The following FARS2 variants were observed in gnomAD, a reference collection of about 807,000 sequenced individuals.
FARS2 encodes the protein phenylalanyl-tRNA synthetase 2, mitochondrial.
In FARS2, 40 loss-of-function variants were observed where a neutral mutation model predicts 46.4. The ratio of observed to expected loss-of-function variants is 0.86; its 90% confidence interval spans 0.67 to 1.12. FARS2 has a LOEUF of 1.12. Among genes scored for constraint, FARS2 ranks in the 50% most tolerant of loss-of-function variants. The pLI, the probability that FARS2 is intolerant of heterozygous loss-of-function variation, is 0.00. For missense variants in FARS2, 513 were observed against 567.9 expected, an observed-to-expected ratio of 0.90 and a Z score of 0.98; for synonymous variants, 234 against 214.9, an observed-to-expected ratio of 1.09 and a Z score of -0.78.
At position 5,474,661 on chromosome 6, in the gene FARS2, C is replaced by CTAT. The variant is rs34998565; in HGVS notation, c.904+43490_904+43491insATT. On this transcript the variant is annotated intron_variant, in intron 4 of 6. Transcript: ENST00000274680. Reference sequence around the variant, plus strand: ...GAAAAGGTACAATAAAAATACAGTACTGTTTTTTTTTTTTTTTTTGAGACA... The same window carrying CTAT: ...GAAAAGGTACAATAAAAATACAGTACTATTGTTTTTTTTTTTTTTTTTGAGACA... Among the ~76,000 whole-genome samples the CTAT allele has an allele frequency of 4.1e-4, 29 of 71,370 alleles. 1 individual carries two copies. Among genetic ancestry groups the CTAT allele is most frequent in the Non-Finnish European group, 7.7e-4 (25 of 32,306 alleles). The allele number at this position is 71,370 out of a possible 152,430, so 46.8% of individuals were successfully genotyped here. A position where few individuals can be genotyped will look rare whatever the true frequency, so the allele number is the denominator to read the frequency against.
At chr6:5,477,884 G>A (rs1435477088) in intron 4 of FARS2, among the ~76,000 whole-genome samples, 1 of 152,102 alleles carries the variant, frequency 6.6e-6, no homozygotes, top group African/African-American at 2.4e-5. Flanking sequence ...GCTGGGCGTG[G>A]TGGTGTGTAC....
intron 6 of FARS2, among the ~76,000 whole-genome samples, chr6:5,724,367 C>G (rs1196708140): frequency 1.3e-5 from 2 of 152,178 alleles, no homozygotes; most frequent in Non-Finnish European, 2.9e-5. Flanking sequence ...GTTGCTGGAG[C>G]CATCCCTTCC....
At chr6:5,527,438 T>C (rs535218206) in intron 4 of FARS2, among the ~76,000 whole-genome samples, 2 of 152,382 alleles carry the variant, frequency 1.3e-5, no homozygotes, top group South Asian at 4.1e-4. Context: ...ACTTGTGGCC[T>C]AGTTTTGATA....
At chr6:5,514,337 C>T (rs543414553) in intron 4 of FARS2, among the ~76,000 whole-genome samples, 3 of 152,228 alleles carry the variant, frequency 2.0e-5, no homozygotes, top group Admixed American at 6.5e-5. Context: ...AATTCTTGAT[C>T]GTCTCAGAAA....
chr6:5,322,380 AGTT>A (rs1386611698), intron 1 of FARS2, among the ~76,000 whole-genome samples: 6 of 152,212 alleles, frequency 3.9e-5, no homozygotes, highest in Non-Finnish European at 8.8e-5. Context: ...CGTATAGAAA[AGTT>A]GGTTATGAAC....
At chr6:5,258,647 T>A (rs984657557), upstream of FARS2, among the ~76,000 whole-genome samples, 1 of 152,226 alleles carries the variant, frequency 6.6e-6, no homozygotes, top group African/African-American at 2.4e-5. Flanking sequence ...AGGGAGGTAA[T>A]AGCAGGAATG....
At chr6:5,753,688 C>T (rs986251884) in intron 6 of FARS2, among the ~76,000 whole-genome samples, 9 of 152,138 alleles carry the variant, frequency 5.9e-5, no homozygotes, top group African/African-American at 2.2e-4. Context: ...TTCCTATGAC[C>T]AGAGGTTGCT....
At chr6:5,400,868 T>C (rs966966771) in intron 2 of FARS2, among the ~76,000 whole-genome samples, 2 of 152,038 alleles carry the variant, frequency 1.3e-5, no homozygotes, top group African/African-American at 4.8e-5. Flanking sequence ...TATATAGATA[T>C]TCATAAGTGT....
At chr6:5,332,326 A>T (rs1241972528) in intron 1 of FARS2, among the ~76,000 whole-genome samples, 1 of 152,252 alleles carries the variant, frequency 6.6e-6, no homozygotes, top group Non-Finnish European at 1.5e-5. Context: ...TTCCAAAATG[A>T]CTTAATTGAA....
At position 5,651,757 on chromosome 6, in the gene FARS2, A is replaced by G. The variant is rs192758662; in HGVS notation, c.1217+38437A>G. 9.8e-5 allele frequency among the ~76,000 whole-genome samples: 15 copies of G among 152,314 alleles called. 1 individual carries two copies. The South Asian group carries it at 2.3e-3, about 23-fold the overall frequency. On this transcript the variant is annotated intron_variant, in intron 6 of 6. Transcript: ENST00000274680. Reference sequence around the variant, plus strand: ...ACGATTAAATCCTGATAGTAGCCCTATTAGATGGTAGTCATTATCCTCCTT... The same window carrying G: ...ACGATTAAATCCTGATAGTAGCCCTGTTAGATGGTAGTCATTATCCTCCTT...
chr6:5,551,750 T>C (rs1248045694), intron 5 of FARS2, among the ~76,000 whole-genome samples: 3 of 152,120 alleles, frequency 2.0e-5, no homozygotes, highest in Non-Finnish European at 4.4e-5. Context: ...GAGAATCTGT[T>C]CCCTTGCCTT....
intron 1 of FARS2, among the ~76,000 whole-genome samples, chr6:5,298,379 G>A (rs1363918072): frequency 6.6e-6 from 1 of 152,190 alleles, no homozygotes; most frequent in Non-Finnish European, 1.5e-5. Flanking sequence ...TCCTGGGGTT[G>A]GGGGTGGGTG....
intron 4 of FARS2, among the ~76,000 whole-genome samples, chr6:5,475,466 G>T (rs975426117): frequency 1.3e-5 from 2 of 152,196 alleles, no homozygotes; most frequent in African/African-American, 4.8e-5. Flanking sequence ...GATAATAAAA[G>T]AGGACAGATG....
At chr6:5,263,877 A>G (rs1444267786) in intron 1 of FARS2, among the ~76,000 whole-genome samples, 1 of 152,212 alleles carries the variant, frequency 6.6e-6, no homozygotes, top group Non-Finnish European at 1.5e-5. Context: ...AATGATGTAT[A>G]AAGTAAAATT....
At chr6:5,250,690 T>C in the FARS2 span, among the ~76,000 whole-genome samples, 7 of 151,468 alleles carry the variant, frequency 4.6e-5, no homozygotes, top group East Asian at 9.7e-4. Context: ...CCACAGGCTC[T>C]ATATGAAATC....
chr6:5,318,234 C>G (rs779397512), intron 1 of FARS2, among the ~76,000 whole-genome samples: 1 of 152,046 alleles, frequency 6.6e-6, no homozygotes, highest in Non-Finnish European at 1.5e-5. Context: ...TGGCCGGCAC[C>G]TGTAGTTCCA....
At chr6:5,592,127 G>T (rs954661564) in intron 5 of FARS2, among the ~76,000 whole-genome samples, 1 of 152,196 alleles carries the variant, frequency 6.6e-6, no homozygotes, top group Non-Finnish European at 1.5e-5. Flanking sequence ...GCTCACGCCT[G>T]TAATCCCAGC....
At chr6:5,570,334 T>C (rs1772569024) in intron 5 of FARS2, among the ~76,000 whole-genome samples, 1 of 152,242 alleles carries the variant, frequency 6.6e-6, no homozygotes, top group South Asian at 2.1e-4. Flanking sequence ...TTGCATTATT[T>C]GTTTAAAGTT....
At chr6:5,445,856 A>C (rs1008472351) in intron 4 of FARS2, among the ~76,000 whole-genome samples, 5 of 152,170 alleles carry the variant, frequency 3.3e-5, no homozygotes, top group Admixed American at 1.3e-4. Context: ...TAGGAGGCTG[A>C]AGGAAGTGTT....
Sources: allele counts gnomAD v4.1 joint callset (sites outside exome capture counted in the v4.1 genomes callset), GRCh38; gene constraint gnomAD v4.1.1; transcripts MANE v1.5; gene names NCBI Gene and HGNC (gene_info 2026-07-23, HGNC 2026-07-21).